Variants in ECHDC3 observed in about 807,000 individuals in gnomAD.
ECHDC3 encodes enoyl-CoA hydratase domain containing 3, also known as enoyl-CoA hydratase domain-containing protein 3, mitochondrial.
ECHDC3 carries 20 observed loss-of-function variants against 17.9 expected under a neutral mutation model. That is an observed-to-expected ratio of 1.12 (90% CI 0.79 to 1.63). The LOEUF (loss-of-function observed/expected upper bound fraction) is 1.63, where lower values mean the gene tolerates loss of function less well. Ranked by LOEUF, ECHDC3 falls within the 40% of genes most tolerant of loss-of-function variation. The pLI, the probability that ECHDC3 is intolerant of heterozygous loss-of-function variation, is 0.00. For missense variants in ECHDC3, 407 were observed against 357.7 expected, an observed-to-expected ratio of 1.14 and a Z score of -1.11; for synonymous variants, 177 against 149.7, an observed-to-expected ratio of 1.18 and a Z score of -1.33.
chr10:11,747,183 T>A, intron 1 of ECHDC3, 166 bp from the exon 2 acceptor site: 1 of 804,246 alleles, frequency 1.2e-6, no homozygotes, highest in Non-Finnish European at 1.8e-6. Context: ...TGTTTTGACT[T>A]GGCTGTAACT....
In ECHDC3 at chr10:11,749,545, G is replaced by T; in HGVS notation, c.343G>T (p.Glu115Ter). The T allele has an allele frequency of 2.5e-6, 4 of 1,614,126 alleles. No homozygotes were observed. The highest frequency in any genetic ancestry group is 3.4e-6 in the Non-Finnish European group (4 of 1,180,034). The change falls in exon 3 of 5, where the codon GAG (glutamate) becomes TAG (stop). Residue 115 changes from glutamate to a stop codon, truncating the protein, a stop_gained. Coordinates refer to ENST00000379215, the MANE Select transcript of ECHDC3 (RefSeq NM_024693.5). LOFTEE classifies it high-confidence loss of function. Reference sequence around the variant, plus strand: ...GCATGACTTAAAGGAGCTGACAGAGGAGCAAGGCCGTGATTACCATGCCGA... The same window carrying T: ...GCATGACTTAAAGGAGCTGACAGAGTAGCAAGGCCGTGATTACCATGCCGA... ...SGHDLKELTE[E>*]QGRDYHAEVF...
At chr10:11,759,382 A>AAAAC (rs1554760084) in intron 4 of ECHDC3, among the ~76,000 whole-genome samples, 35 of 134,510 alleles carry the variant, frequency 2.6e-4, no homozygotes, top group African/African-American at 5.7e-4. Flanking sequence ...AAAAAAAAAA[A>AAAAC]ACACGCAGTC....
chr10:11,762,543 T>A (rs942931809), intron 4 of ECHDC3, among the ~76,000 whole-genome samples: 3 of 152,272 alleles, frequency 2.0e-5, no homozygotes, highest in Admixed American at 2.0e-4. Flanking sequence ...CAGAATTGGT[T>A]GGTGCAGCAC....
Position 11,742,728 on chromosome 10 carries a change from G to T in ECHDC3, c.152G>T (p.Arg51Leu). The change falls in exon 1 of 5, where the codon CGG becomes CTG. Residue 51 changes from arginine to leucine, a missense_variant. Transcript: ENST00000379215. ...TCGGAGCCGCGGCCCACCAGCGCGC[G>T]GCAGCTGGACGGCATAAGGTCAGCC... ...RESEPRPTSA[R>L]QLDGIRNIVL... is the part of the protein sequence containing the mutation. 8.1e-7 allele frequency: 1 copy of T among 1,234,362 alleles called. No individual in the cohort carries two copies. Among genetic ancestry groups the T allele is most frequent in the Non-Finnish European group, 1.0e-6 (1 of 989,406 alleles). 76.5% of individuals were successfully genotyped at this position (1,234,362 alleles called of 1,614,324 possible).
rs975753943 is a variant in ECHDC3 at position 11,763,772 on chromosome 10, G to A, written c.*228G>A. On this transcript the variant is annotated 3_prime_UTR_variant, in exon 5 of 5. Coordinates refer to ENST00000379215, the MANE Select transcript of ECHDC3 (RefSeq NM_024693.5). The surrounding 1 kb of genome is among the most constrained non-coding windows in gnomAD (Gnocchi z 4.9). ...GTGCAAGGCTGGTGAACCCTGCAGC[G>A]GGCCAGCTATGGTGGGAAGCCTGGC... The A allele has an allele frequency of 2.2e-5, 29 of 1,323,294 alleles. No individual in the cohort carries two copies. Among genetic ancestry groups the A allele is most frequent in the Middle Eastern group, 2.9e-4 (1 of 3,502 alleles). 82.0% of individuals were successfully genotyped at this position (1,323,294 alleles called of 1,614,324 possible).
At chr10:11,743,383 T>C (rs1453709046) in intron 1 of ECHDC3, among the ~76,000 whole-genome samples, 1 of 152,262 alleles carries the variant, frequency 6.6e-6, no homozygotes, top group Non-Finnish European at 1.5e-5. Context: ...ATGTTCACCT[T>C]CCGAAGAAGA....
rs550743009 is a variant in ECHDC3 at position 11,749,834 on chromosome 10, C to T, written c.390+242C>T. The stretch of plus-strand genomic sequence containing the variant: ...TTTTTGAGACAGAGTCTCCCTCTGT[C>T]GCCCAGGCTGGAGTGCAGTGGTGCA... On this transcript the variant is annotated intron_variant, in intron 3 of 4. Transcript: ENST00000379215. Among the ~76,000 whole-genome samples the T allele has an allele frequency of 4.7e-5, 6 of 127,380 alleles. No individual in the cohort carries two copies. The East Asian group carries it at 8.7e-4, about 19-fold the overall frequency. The allele number at this position is 127,380 out of a possible 152,430, so 83.6% of individuals were successfully genotyped here.
chr10:11,747,219 T>C (rs1832770480), intron 1 of ECHDC3, 130 bp from the exon 2 acceptor site: 10 of 1,188,202 alleles, frequency 8.4e-6, no homozygotes, highest in South Asian at 1.7e-5. Flanking sequence ...ACCCTCTAAA[T>C]TGGCACTAAG....
intron 1 of ECHDC3, among the ~76,000 whole-genome samples, chr10:11,744,452 C>T (rs930704994): frequency 3.3e-5 from 5 of 152,224 alleles, no homozygotes; most frequent in Non-Finnish European, 5.9e-5. Flanking sequence ...GAGAACATGA[C>T]AGTCCCTCAC....
intron 3 of ECHDC3, among the ~76,000 whole-genome samples, chr10:11,751,000 G>A (rs76794708): frequency 0.06 from 9,203 of 152,288 alleles, 377 homozygotes; most frequent in East Asian, 0.22. Flanking sequence ...GCTTCATGGG[G>A]AAGTGGGAGC....
At chr10:11,759,285 C>A (rs1832918020) in intron 4 of ECHDC3, among the ~76,000 whole-genome samples, 1 of 147,790 alleles carries the variant, frequency 6.8e-6, no homozygotes, top group African/African-American at 2.5e-5. Flanking sequence ...ACCCTGGAGG[C>A]GGAGGTTGCA....
chr10:11,763,552 C>T lies in ECHDC3; in HGVS notation c.*8C>T. 1.3e-6 allele frequency: 2 copies of T among 1,496,804 alleles called. No homozygotes were observed. The highest frequency in any genetic ancestry group is 1.8e-6 in the Non-Finnish European group (2 of 1,118,814). The allele number at this position is 1,496,804 out of a possible 1,614,324, so 92.7% of individuals were successfully genotyped here. A position where few individuals can be genotyped will look rare whatever the true frequency, so the allele number is the denominator to read the frequency against. ...TCACACGAGCCAGTGTGAGTGGAGG[C>T]AGAGGAGTGAGGCCCACGGGCAGCG... On this transcript the variant is annotated 3_prime_UTR_variant, in exon 5 of 5. Transcript: ENST00000379215. This position sits in a 1 kb window ranked among gnomAD's most constrained non-coding sequence, Gnocchi z 4.9.
At chr10:11,748,701 C>T (rs992520183) in intron 2 of ECHDC3, among the ~76,000 whole-genome samples, 4 of 152,146 alleles carry the variant, frequency 2.6e-5, no homozygotes, top group Non-Finnish European at 5.9e-5. Flanking sequence ...GCCTGGCCAA[C>T]GTGGCAAAAC....
chr10:11,757,241 C>T (rs990441508), intron 4 of ECHDC3, among the ~76,000 whole-genome samples: 6 of 152,102 alleles, frequency 3.9e-5, no homozygotes, highest in African/African-American at 1.4e-4. Context: ...TGAAGTCAGC[C>T]CTACTGTCTG....
At chr10:11,760,412 A>G (rs1161750) in intron 4 of ECHDC3, among the ~76,000 whole-genome samples, 2,594 of 152,170 alleles carry the variant, frequency 0.017, 81 homozygotes, top group African/African-American at 0.06. Flanking sequence ...CAAGCCCCCC[A>G]CCTGGGATGA....
rs1025911346 is a variant in ECHDC3 at position 11,742,750 on chromosome 10, A to T, written c.170+4A>T. 8.2e-6 allele frequency: 10 copies of T among 1,226,514 alleles called. No individual in the cohort carries two copies. Among genetic ancestry groups the T allele is most frequent in the Non-Finnish European group, 9.1e-6 (9 of 984,390 alleles). 76.0% of individuals were successfully genotyped at this position (1,226,514 alleles called of 1,614,324 possible). A position where few individuals can be genotyped will look rare whatever the true frequency, so the allele number is the denominator to read the frequency against. ...CGCGGCAGCTGGACGGCATAAGGTC[A>T]GCCCCGGGCCGCGCGGGCTCCTCGC... On this transcript the variant is annotated splice_donor_region_variant and intron_variant, in intron 1 of 4. Coordinates refer to ENST00000379215, the MANE Select transcript of ECHDC3 (RefSeq NM_024693.5).
At chr10:11,747,722 G>T (rs1003131288) in intron 2 of ECHDC3, among the ~76,000 whole-genome samples, 1 of 152,174 alleles carries the variant, frequency 6.6e-6, no homozygotes, top group Admixed American at 6.5e-5. Flanking sequence ...AAACATTTCT[G>T]TACTTGGCTA....
chr10:11,751,105 A>T (rs937059460), intron 3 of ECHDC3, among the ~76,000 whole-genome samples: 1 of 152,216 alleles, frequency 6.6e-6, no homozygotes, highest in African/African-American at 2.4e-5. Context: ...GTGCTTTAAA[A>T]GTTTTTTTCT....
intron 4 of ECHDC3, among the ~76,000 whole-genome samples, chr10:11,761,367 C>T (rs1488798315): frequency 6.6e-6 from 1 of 152,164 alleles, no homozygotes; most frequent in Non-Finnish European, 1.5e-5. Flanking sequence ...ACAGCCCCCA[C>T]CCTCCCTGCA....
Sources: gnomAD v4.1 joint callset for allele counts (sites outside exome capture counted in the v4.1 genomes callset) on GRCh38, gnomAD v4.1.1 for gene constraint, Gnocchi (gnomAD v3.1) non-coding constraint, MANE v1.5 for transcripts, NCBI Gene and HGNC (gene_info 2026-07-23, HGNC 2026-07-21) for gene names.